COL5A1: variants seen among roughly 807,000 people sequenced by gnomAD.
COL5A1 encodes collagen type V alpha 1 chain.
A neutral mutation model predicts 263.7 loss-of-function variants in COL5A1; 16 were observed. That is an observed-to-expected ratio of 0.06 (90% CI 0.04 to 0.09). COL5A1 has a LOEUF of 0.09. COL5A1 is among the 10% of genes least tolerant of loss of function. The pLI is 1.00. For synonymous variants in COL5A1, 1,012 were observed against 1,004.5 expected (o/e 1.01, Z -0.14); for missense variants, 2,036 against 2,540.5 (o/e 0.80, Z 4.27).
At chr9:134,759,812 ACGC>A (rs199707355) in intron 18 of COL5A1, among the ~76,000 whole-genome samples, 511 of 71,182 alleles carry the variant, frequency 7.2e-3, no homozygotes, top group African/African-American at 0.024. Context: ...ACATGCACAC[ACGC>A]ATACACACCC....
At chr9:134,799,958 G>A (rs1009418578) in intron 37 of COL5A1, among the ~76,000 whole-genome samples, 1 of 152,068 alleles carries the variant, frequency 6.6e-6, no homozygotes, top group Admixed American at 6.6e-5. Context: ...CTGCCACCCC[G>A]GCCACCTCTC....
chr9:134,832,378 C>A (rs1487774502), intron 64 of COL5A1, among the ~76,000 whole-genome samples: 1 of 152,130 alleles, frequency 6.6e-6, no homozygotes, highest in African/African-American at 2.4e-5. Flanking sequence ...TGCACTCCAT[C>A]CTGGGGGACA....
intron 31 of COL5A1, among the ~76,000 whole-genome samples, chr9:134,786,812 G>T (rs767678534): frequency 1.3e-5 from 2 of 152,176 alleles, no homozygotes; most frequent in African/African-American, 4.8e-5. Flanking sequence ...GTCTTTCTCA[G>T]ATCTGCCTCT....
chr9:134,767,324 C>T lies in COL5A1; in HGVS notation c.2202C>T (p.Pro734=), dbSNP rs373940849. Residue 734 remains proline (P), a synonymous_variant, in exon 24 of 66, where the codon CCC becomes CCT. Coordinates refer to ENST00000371817, the MANE Select transcript of COL5A1 (RefSeq NM_000093.5). ...GNPGAQGLPG[P]QGAIGPPGEK... is the part of the protein sequence containing the mutation. ...CTCCCTCTTAGGGTCTTCCAGGCCCCCAGGGTGCAATTGGTCCTCCAGGAG... is the reference window on the plus strand; with the variant it reads ...CTCCCTCTTAGGGTCTTCCAGGCCCTCAGGGTGCAATTGGTCCTCCAGGAG... The T allele has an allele frequency of 4.3e-6, 7 of 1,614,116 alleles. No individual in the cohort carries two copies. The highest frequency in any genetic ancestry group is 1.7e-5 in the Admixed American group (1 of 60,030).
chr9:134,822,726 C>CCT (rs1554807658), intron 59 of COL5A1, among the ~76,000 whole-genome samples: 2 of 150,514 alleles, frequency 1.3e-5, no homozygotes, highest in African/African-American at 4.9e-5. Flanking sequence ...CTGCGCCCCC[C>CCT]CCGCGGCTGT....
chr9:134,743,728 TATC>T lies in COL5A1; in HGVS notation c.1494+4922_1494+4924del, dbSNP rs562781375. On this transcript the variant is annotated intron_variant, in intron 11 of 65. Coordinates refer to ENST00000371817, the MANE Select transcript of COL5A1 (RefSeq NM_000093.5). Reference sequence around the variant, plus strand: ...ATAATGATGCTGCCCGGCGCTGTCTTATCAGCCCCTCCTGTCACTCAGCAGGGG... The same window carrying T: ...ATAATGATGCTGCCCGGCGCTGTCTTAGCCCCTCCTGTCACTCAGCAGGGG... Among the ~76,000 whole-genome samples, 48 of 152,322 alleles carry T rather than the reference TATC, an allele frequency of 3.2e-4. No homozygotes were observed. The South Asian group carries it at 8.3e-3, about 26-fold the overall frequency.
At chr9:134,808,588 T>G (rs777257517) in intron 42 of COL5A1, among the ~76,000 whole-genome samples, 1 of 152,228 alleles carries the variant, frequency 6.6e-6, no homozygotes, top group Non-Finnish European at 1.5e-5. Context: ...TTGGTGCATA[T>G]TCACACGTGT....
chr9:134,715,700 A>G (rs1241530176), intron 4 of COL5A1, among the ~76,000 whole-genome samples: 1 of 152,264 alleles, frequency 6.6e-6, no homozygotes, highest in Admixed American at 6.5e-5. Context: ...CACATCCTGC[A>G]TAGCCCTAAA....
At chr9:134,796,798 C>G (rs1588560306) in intron 35 of COL5A1, 50 bp from the exon 36 acceptor site, 1 of 1,564,582 alleles carries the variant, frequency 6.4e-7, no homozygotes, top group Non-Finnish European at 8.8e-7. Flanking sequence ...GCGGCAGGAG[C>G]TGCTCGGGAG....
At chr9:134,748,661 T>G (rs1042721510) in intron 11 of COL5A1, among the ~76,000 whole-genome samples, 1 of 152,348 alleles carries the variant, frequency 6.6e-6, no homozygotes, top group Non-Finnish European at 1.5e-5. Flanking sequence ...TGGGAGCAAT[T>G]GGGCAGTATC....
chr9:134,735,195 G>A (rs1437134192), intron 9 of COL5A1, among the ~76,000 whole-genome samples: 1 of 140,820 alleles, frequency 7.1e-6, no homozygotes, highest in Non-Finnish European at 1.5e-5. Context: ...CCTGGACAGC[G>A]TGAGACTCCA....
chr9:134,643,671 G>T (rs1311213350), intron 1 of COL5A1, among the ~76,000 whole-genome samples: 2 of 152,120 alleles, frequency 1.3e-5, no homozygotes, highest in African/African-American at 4.8e-5. Context: ...AACTGGGCTT[G>T]TGTTTCTCCA....
intron 1 of COL5A1, among the ~76,000 whole-genome samples, chr9:134,654,532 TG>T (rs1831853203): frequency 3.9e-5 from 1 of 25,524 alleles, no homozygotes; most frequent in Non-Finnish European, 7.5e-5. Context: ...CAGGGCTGGG[TG>T]TGTGTAGGGC....
At chr9:134,830,460 A>C in intron 64 of COL5A1, 1 of 540,702 alleles carries the variant, frequency 1.8e-6, no homozygotes, top group Non-Finnish European at 3.3e-6. Context: ...TCCTCTGCCC[A>C]CAGACGGTGC....
intron 18 of COL5A1, among the ~76,000 whole-genome samples, chr9:134,760,424 A>AC (rs1836326892): frequency 6.4e-5 from 7 of 109,878 alleles, no homozygotes; most frequent in East Asian, 3.1e-4. Flanking sequence ...ACATGCACAC[A>AC]CACCACACAT....
intron 16 of COL5A1, among the ~76,000 whole-genome samples, 199 bp from the exon 17 acceptor site, chr9:134,756,566 G>A (rs552732323): frequency 2.0e-5 from 3 of 152,328 alleles, no homozygotes; most frequent in South Asian, 2.1e-4. Context: ...TGTTCCATCC[G>A]TTGGTGTGAG....
At chr9:134,781,412 G>C (rs1318927281) in intron 28 of COL5A1, among the ~76,000 whole-genome samples, 1 of 152,244 alleles carries the variant, frequency 6.6e-6, no homozygotes, top group Non-Finnish European at 1.5e-5. Context: ...CGGGGCTTCG[G>C]AACACGAGGG....
At chr9:134,646,350 G>A (rs1471413246) in intron 1 of COL5A1, among the ~76,000 whole-genome samples, 1 of 151,520 alleles carries the variant, frequency 6.6e-6, no homozygotes, top group Non-Finnish European at 1.5e-5. Flanking sequence ...AGGAGGTGAT[G>A]TGAAACTGGC....
At position 134,748,028 on chromosome 9, in the gene COL5A1, T is replaced by C. The variant is rs574443017; in HGVS notation, c.1495-2514T>C. ...ACATGCATTCACACACATGCATTCA[T>C]ACACATGCAGACACATGCACACATG... On this transcript the variant is annotated intron_variant, in intron 11 of 65. Transcript: ENST00000371817. Among the ~76,000 whole-genome samples, 346 of 120,050 alleles carry C rather than the reference T, an allele frequency of 2.9e-3. 2 individuals carry two copies. Among genetic ancestry groups the C allele is most frequent in the African/African-American group, 8.9e-3 (278 of 31,126 alleles). 78.8% of individuals were successfully genotyped at this position (120,050 alleles called of 152,430 possible).
Sources: gnomAD v4.1 joint callset for allele counts (sites outside exome capture counted in the v4.1 genomes callset) on GRCh38, gnomAD v4.1.1 for gene constraint, MANE v1.5 for transcripts, NCBI Gene and HGNC (gene_info 2026-07-23, HGNC 2026-07-21) for gene names.